Variants in ARHGAP44 observed in about 807,000 individuals in gnomAD.
ARHGAP44 encodes Rho GTPase activating protein 44.
Under a neutral mutation model 106.8 loss-of-function variants are expected in ARHGAP44, and 43 were observed. The ratio of observed to expected loss-of-function variants is 0.40; its 90% CI spans 0.32 to 0.52. ARHGAP44 has a LOEUF of 0.52. Ranked by LOEUF, ARHGAP44 falls within the 20% of genes least tolerant of loss-of-function variation. The pLI is 0.48. For missense variants in ARHGAP44, 866 were observed against 1,050.5 expected (o/e 0.82, Z 2.43); for synonymous variants, 439 against 410.3 (o/e 1.07, Z -0.85).
intron 12 of ARHGAP44, among the ~76,000 whole-genome samples, chr17:12,951,733 A>C (rs7207708): frequency 6.6e-6 from 1 of 152,174 alleles, no homozygotes; most frequent in Non-Finnish European, 1.5e-5. Context: ...AGATCACTTC[A>C]TCTAAACCAA....
At chr17:12,965,293 C>T (rs1366676420) in intron 16 of ARHGAP44, among the ~76,000 whole-genome samples, 1 of 152,200 alleles carries the variant, frequency 6.6e-6, no homozygotes, top group African/African-American at 2.4e-5. Flanking sequence ...ACTTGCTCCA[C>T]CGTGGTCTGA....
intron 1 of ARHGAP44, among the ~76,000 whole-genome samples, chr17:12,842,953 A>G (rs2035459037): frequency 6.6e-6 from 1 of 152,128 alleles, no homozygotes; most frequent in African/African-American, 2.4e-5. Context: ...AGGTCAGTAT[A>G]TTCTCCTAAC....
At chr17:12,840,777 G>A (rs2035367937) in intron 1 of ARHGAP44, among the ~76,000 whole-genome samples, 2 of 152,158 alleles carry the variant, frequency 1.3e-5, no homozygotes, top group Admixed American at 6.5e-5. Flanking sequence ...AACCTGAGAC[G>A]GCACAAGTAG....
chr17:12,944,246 C>A lies in ARHGAP44; in HGVS notation c.861+50C>A, dbSNP rs753510826. The A allele has an allele frequency of 2.6e-6, 4 of 1,536,956 alleles. No individual in the cohort carries two copies. The African/African-American group carries it at 4.1e-5, about 16-fold the overall frequency. ...CGCCCCGGGCAGGTCTCCTCTTCCA[C>A]GAGACAGAGCTTACAGGATCCTCTC... On this transcript the variant is annotated intron_variant, in intron 10 of 20. Transcript: ENST00000379672.
chr17:12,906,279 G>A (rs2037543104), intron 3 of ARHGAP44, among the ~76,000 whole-genome samples: 2 of 152,140 alleles, frequency 1.3e-5, no homozygotes, highest in Non-Finnish European at 2.9e-5. Context: ...CACACACCAA[G>A]CAGTTCCCCA....
chr17:12,967,249 C>CTTTTTTTT (rs57651305), intron 16 of ARHGAP44, among the ~76,000 whole-genome samples: 1 of 93,182 alleles, frequency 1.1e-5, no homozygotes, highest in African/African-American at 4.2e-5. Context: ...ACTCTTTTTG[C>CTTTTTTTT]TTTTTTTTTT....
intron 7 of ARHGAP44, 72 bp from the exon 8 acceptor site, chr17:12,940,984 G>A (rs2150980710): frequency 3.8e-6 from 5 of 1,311,420 alleles, no homozygotes; most frequent in South Asian, 3.6e-5. Flanking sequence ...CTCACGTGAT[G>A]TGTTGACTTA....
intron 18 of ARHGAP44, among the ~76,000 whole-genome samples, chr17:12,975,068 T>C (rs1439372249): frequency 6.6e-6 from 1 of 152,132 alleles, no homozygotes; most frequent in African/African-American, 2.4e-5. Flanking sequence ...CAGGCTGGTC[T>C]CAAACTCCTG....
chr17:12,814,693 C>T (rs761702039), intron 1 of ARHGAP44, among the ~76,000 whole-genome samples: 6 of 152,254 alleles, frequency 3.9e-5, no homozygotes, highest in South Asian at 2.1e-4. Flanking sequence ...ATTGCACCCT[C>T]ATATTACATA....
intron 1 of ARHGAP44, among the ~76,000 whole-genome samples, chr17:12,792,162 A>AT (rs540697185): frequency 2.9e-4 from 44 of 151,330 alleles, no homozygotes; most frequent in Admixed American, 6.6e-4. Context: ...CTGTTTTCCC[A>AT]TTTTTTTTGT....
intron 1 of ARHGAP44, among the ~76,000 whole-genome samples, chr17:12,868,267 T>C (rs928637799): frequency 3.3e-5 from 5 of 152,094 alleles, no homozygotes; most frequent in Non-Finnish European, 5.9e-5. Context: ...CCTCTTCTTA[T>C]AGGGACACCA....
At chr17:12,862,281 G>A (rs889379240) in intron 1 of ARHGAP44, among the ~76,000 whole-genome samples, 10 of 152,024 alleles carry the variant, frequency 6.6e-5, no homozygotes, top group African/African-American at 1.9e-4. Flanking sequence ...TGAGAGACAC[G>A]GGGAGCAAGA....
chr17:12,821,235 A>G (rs1165072595), intron 1 of ARHGAP44, among the ~76,000 whole-genome samples: 1 of 152,190 alleles, frequency 6.6e-6, no homozygotes. Context: ...AAACGTGGGC[A>G]TGGGGATGAG....
At chr17:12,953,219 C>T (rs1272832721) in intron 13 of ARHGAP44, among the ~76,000 whole-genome samples, 5 of 152,148 alleles carry the variant, frequency 3.3e-5, no homozygotes, top group African/African-American at 9.7e-5. Flanking sequence ...CTGTGTTCCA[C>T]GTCTGCCTCT....
chr17:12,865,425 A>C (rs559679664), intron 1 of ARHGAP44, among the ~76,000 whole-genome samples: 64 of 152,308 alleles, frequency 4.2e-4, no homozygotes, highest in African/African-American at 1.5e-3. Context: ...GTGTAATTTC[A>C]CTGGGGAAAA....
chr17:12,975,624 C>T (rs1351404032), intron 18 of ARHGAP44, among the ~76,000 whole-genome samples: 1 of 151,724 alleles, frequency 6.6e-6, no homozygotes, highest in Admixed American at 6.6e-5. Context: ...CGGTGAAACC[C>T]CACCTCTACT....
chr17:12,888,245 A>G (rs974060342), intron 1 of ARHGAP44, among the ~76,000 whole-genome samples: 1 of 152,042 alleles, frequency 6.6e-6, no homozygotes, highest in African/African-American at 2.4e-5. Context: ...ATTTAATGCT[A>G]TAATTTTTTT....
chr17:12,937,929 T>A (rs2038593515), intron 7 of ARHGAP44, among the ~76,000 whole-genome samples: 1 of 152,056 alleles, frequency 6.6e-6, no homozygotes, highest in Non-Finnish European at 1.5e-5. Context: ...GGTGAAACCT[T>A]GTCTCTTCTA....
chr17:12,962,169 C>T (rs867189562), intron 16 of ARHGAP44, among the ~76,000 whole-genome samples: 1 of 151,950 alleles, frequency 6.6e-6, no homozygotes, highest in South Asian at 2.1e-4. Flanking sequence ...GGTAAAATTG[C>T]AAAGAAATGG....
Sources: gnomAD v4.1 joint callset for allele counts (sites outside exome capture counted in the v4.1 genomes callset) on GRCh38, gnomAD v4.1.1 for gene constraint, MANE v1.5 for transcripts, NCBI Gene and HGNC (gene_info 2026-07-23, HGNC 2026-07-21) for gene names.